Variants in CACNA2D1 observed in about 807,000 individuals in gnomAD.
CACNA2D1 encodes calcium voltage-gated channel auxiliary subunit alpha2delta 1, also known as voltage-dependent calcium channel subunit alpha-2/delta-1.
A neutral mutation model predicts 171.5 loss-of-function variants in CACNA2D1; 53 were observed. The observed-to-expected ratio is 0.31, with a 90% CI of 0.25 to 0.39. CACNA2D1 has a LOEUF of 0.39. Ranked by LOEUF, CACNA2D1 falls within the 10% of genes least tolerant of loss-of-function variation. CACNA2D1 has a pLI of 1.00. For missense variants in CACNA2D1, 903 were observed against 1,299.8 expected, an observed-to-expected ratio of 0.69 and a Z score of 4.69; for synonymous variants, 442 against 443.1, an observed-to-expected ratio of 1.00 and a Z score of 0.03.
At chr7:82,094,206 G>A (rs923763828) in intron 6 of CACNA2D1, among the ~76,000 whole-genome samples, 11 of 150,744 alleles carry the variant, frequency 7.3e-5, no homozygotes, top group South Asian at 2.1e-4. Context: ...ACAGTGACCC[G>A]TTGGTTTAAA....
intron 21 of CACNA2D1, among the ~76,000 whole-genome samples, chr7:81,986,499 A>C (rs1374645255): frequency 6.7e-6 from 1 of 148,498 alleles, no homozygotes; most frequent in East Asian, 2.0e-4. Flanking sequence ...ACAATATAGA[A>C]TAGGGAAAAA....
At chr7:82,176,098 G>C (rs1056721050) in intron 3 of CACNA2D1, among the ~76,000 whole-genome samples, 21 of 151,928 alleles carry the variant, frequency 1.4e-4, no homozygotes, top group Admixed American at 1.2e-3. Flanking sequence ...ACCACAAATA[G>C]AATAAGAAAG....
intron 16 of CACNA2D1, 146 bp downstream of exon 16, chr7:82,007,533 C>T (rs150866130): frequency 1.2e-5 from 7 of 600,318 alleles, no homozygotes; most frequent in Non-Finnish European, 1.5e-5. Flanking sequence ...AGGTGGTTAT[C>T]GCATAGGCAG....
Position 82,405,098 on chromosome 7 carries a change from CTT to C in CACNA2D1, c.95+38265_95+38266del, listed in dbSNP as rs372987386. On this transcript the variant is annotated intron_variant, in intron 1 of 38. Transcript: ENST00000356860. ...AGTTAGCAAATAATACTGATATTCT[CTT>C]TATCATTTTTAAAATTATCTAATTA... Among the ~76,000 whole-genome samples the C allele has an allele frequency of 1.7e-4, 26 of 152,198 alleles. No homozygotes were observed. The South Asian group carries it at 5.4e-3, about 32-fold the overall frequency.
At chr7:82,130,791 CTTTTTTTTT>C (rs71093363) in intron 5 of CACNA2D1, among the ~76,000 whole-genome samples, 18 of 105,858 alleles carry the variant, frequency 1.7e-4, no homozygotes, top group Admixed American at 3.1e-4. Context: ...TTGTTTTTGT[CTTTTTTTTT>C]TTTTTTTTTT....
At chr7:81,984,826 A>G (rs1163048507) in intron 21 of CACNA2D1, 115 bp from the exon 22 acceptor site, 32 of 691,668 alleles carry the variant, frequency 4.6e-5, no homozygotes, top group Non-Finnish European at 2.1e-5. Flanking sequence ...TGGGAAGGAA[A>G]AGACATATTA....
intron 3 of CACNA2D1, among the ~76,000 whole-genome samples, chr7:82,277,003 C>T (rs1326009783): frequency 6.6e-6 from 1 of 152,068 alleles, no homozygotes; most frequent in Non-Finnish European, 1.5e-5. Context: ...GCCTCAGCCT[C>T]CCAAAGTGCT....
In CACNA2D1 at chr7:82,443,485, C is replaced by T; in HGVS notation, c.-26G>A. The T allele has an allele frequency of 6.2e-7, 1 of 1,602,676 alleles. No homozygotes were observed. The highest frequency in any genetic ancestry group is 8.5e-7 in the Non-Finnish European group (1 of 1,174,580). On this transcript the variant is annotated 5_prime_UTR_variant, in exon 1 of 39. Transcript: ENST00000356860. ...CTTCGCGATCGAAGATCAATGCCCC[C>T]TCCCTGCCCAAGCGGGGGAAGGAGC...
In CACNA2D1 at chr7:82,114,567, A is replaced by T. The variant is rs191785732; in HGVS notation, c.526+2477T>A. Among the ~76,000 whole-genome samples, 315 of 152,134 alleles carry T rather than the reference A, an allele frequency of 2.1e-3. 3 individuals carry two copies. The highest frequency in any genetic ancestry group is 0.015 in the East Asian group (77 of 5,160). Reference sequence around the variant, plus strand: ...AGATCAGCCTGGCCAACATGGTGAAACCCTGTCTCTACTAAATACAAAAAA... The same window carrying T: ...AGATCAGCCTGGCCAACATGGTGAATCCCTGTCTCTACTAAATACAAAAAA... On this transcript the variant is annotated intron_variant, in intron 6 of 38. Transcript: ENST00000356860.
chr7:82,208,405 A>G (rs1800225281), intron 3 of CACNA2D1, among the ~76,000 whole-genome samples: 2 of 152,130 alleles, frequency 1.3e-5, no homozygotes, highest in Admixed American at 1.3e-4. Flanking sequence ...CAATTTACCA[A>G]ATATGTTTGT....
At chr7:82,217,913 A>ATTTATTTATTTATTTT (rs1441666905) in intron 3 of CACNA2D1, among the ~76,000 whole-genome samples, 1 of 146,484 alleles carries the variant, frequency 6.8e-6, no homozygotes, top group African/African-American at 2.6e-5. Flanking sequence ...AGACTACATT[A>ATTTATTTATTTATTTT]TTTATTTATT....
chr7:82,183,012 G>A (rs1222961906), intron 3 of CACNA2D1, among the ~76,000 whole-genome samples: 1 of 148,962 alleles, frequency 6.7e-6, no homozygotes, highest in Admixed American at 6.7e-5. Context: ...ACTCCAGCCC[G>A]GGCAATAGTG....
At chr7:82,203,188 C>A (rs547284295) in intron 3 of CACNA2D1, among the ~76,000 whole-genome samples, 2 of 152,206 alleles carry the variant, frequency 1.3e-5, no homozygotes, top group South Asian at 4.1e-4. Flanking sequence ...AGCTGACAAT[C>A]GACTTGTACC....
At chr7:82,171,510 A>G (rs936848822) in intron 3 of CACNA2D1, among the ~76,000 whole-genome samples, 1 of 152,092 alleles carries the variant, frequency 6.6e-6, no homozygotes, top group Non-Finnish European at 1.5e-5. Context: ...GGGAAAAGTT[A>G]AGACTCTTCT....
intron 3 of CACNA2D1, among the ~76,000 whole-genome samples, chr7:82,256,983 T>C (rs1159831303): frequency 6.6e-6 from 1 of 152,152 alleles, no homozygotes; most frequent in East Asian, 1.9e-4. Flanking sequence ...TGAGATTTCA[T>C]TAGAGATGGT....
intron 6 of CACNA2D1, among the ~76,000 whole-genome samples, chr7:82,115,724 C>T (rs1403844777): frequency 6.7e-6 from 1 of 150,202 alleles, no homozygotes; most frequent in Admixed American, 6.6e-5. Context: ...GTTTTTAAAA[C>T]CAATAATCTC....
rs1240031113 is a variant in CACNA2D1, at chr7:82,066,579, AAAT to A, written c.659-58_659-56del. 47 of 1,540,708 alleles carry A rather than the reference AAAT, an allele frequency of 3.1e-5. No individual in the cohort carries two copies. The East Asian group carries it at 6.2e-4, about 20-fold the overall frequency. On this transcript the variant is annotated intron_variant, in intron 7 of 38. Transcript: ENST00000356860. ...AATCAAAATATTAGATATGCTCTAAAAATAATGAGACTTTAAAAATCACAAAAA... is the reference window on the plus strand; with the variant it reads ...AATCAAAATATTAGATATGCTCTAAAAATGAGACTTTAAAAATCACAAAAA...
At position 82,043,244 on chromosome 7, in the gene CACNA2D1, ACT is replaced by A. The variant is rs201911349; in HGVS notation, c.880-5011_880-5010del. ...AACTTGTACATTCAAAAGTACAAAT[ACT>A]CTGTCCAAATAGACATTAAAATACT... On this transcript the variant is annotated intron_variant, in intron 10 of 38. Transcript: ENST00000356860. Among the ~76,000 whole-genome samples the A allele has an allele frequency of 8.8e-3, 1,343 of 152,310 alleles. 15 individuals are homozygous for A. Among genetic ancestry groups the A allele is most frequent in the African/African-American group, 0.03 (1,262 of 41,572 alleles).
At chr7:82,395,958 T>G (rs1203841689) in intron 1 of CACNA2D1, among the ~76,000 whole-genome samples, 4 of 152,204 alleles carry the variant, frequency 2.6e-5, no homozygotes. Context: ...GAAAATCCTA[T>G]GCAGACTACA....
Sources: allele counts gnomAD v4.1 joint callset (sites outside exome capture counted in the v4.1 genomes callset), GRCh38; gene constraint gnomAD v4.1.1; transcripts MANE v1.5; gene names NCBI Gene and HGNC (gene_info 2026-07-23, HGNC 2026-07-21).